MBNL1: variants seen among roughly 807,000 people sequenced by gnomAD.
MBNL1 encodes muscleblind-like protein 1.
A neutral mutation model predicts 42.2 loss-of-function variants in MBNL1; 8 were observed. The ratio of observed to expected loss-of-function variants is 0.19; its 90% CI spans 0.11 to 0.34. The LOEUF (loss-of-function observed/expected upper bound fraction) is 0.34, where lower values mean the gene tolerates loss of function less well. Ranked by LOEUF, MBNL1 falls within the 10% of genes least tolerant of loss-of-function variation. The probability of loss-of-function intolerance (pLI) is 1.00; values close to 1 mark genes in which losing one functional copy is unlikely to be tolerated. For missense variants in MBNL1, 309 were observed against 495.3 expected (o/e 0.62, Z 3.57); for synonymous variants, 169 against 173.9 (o/e 0.97, Z 0.22).
At chr3:152,450,691 CAATT>C (rs1372538394) in intron 6 of MBNL1, among the ~76,000 whole-genome samples, 2 of 152,182 alleles carry the variant, frequency 1.3e-5, no homozygotes, top group Non-Finnish European at 2.9e-5. Flanking sequence ...GTGTAAACCA[CAATT>C]GATTGTGTAT....
intron 1 of MBNL1, among the ~76,000 whole-genome samples, chr3:152,280,386 G>A (rs2047722770): frequency 1.3e-5 from 2 of 152,106 alleles, no homozygotes; most frequent in South Asian, 4.1e-4. Flanking sequence ...AAAATGATGT[G>A]ATTTGATATG....
chr3:152,311,001 CTTTTT>C (rs71144111), intron 2 of MBNL1, among the ~76,000 whole-genome samples: 4 of 77,508 alleles, frequency 5.2e-5, no homozygotes, highest in African/African-American at 1.6e-4. Flanking sequence ...AACCATGAGA[CTTTTT>C]TTTTTTTTTT....
At chr3:152,443,728 A>G (rs772510805) in intron 4 of MBNL1, among the ~76,000 whole-genome samples, 20 of 152,138 alleles carry the variant, frequency 1.3e-4, no homozygotes, top group Admixed American at 2.0e-4. Context: ...TCTTATGTTC[A>G]ATAAGATAAA....
chr3:152,300,128 C>G lies in MBNL1; in HGVS notation c.-66C>G. 12 of 975,452 alleles carry G rather than the reference C, an allele frequency of 1.2e-5. No individual in the cohort carries two copies. Among genetic ancestry groups the G allele is most frequent in the Non-Finnish European group, 1.5e-5 (10 of 679,358 alleles). The allele number at this position is 975,452 out of a possible 1,614,324, so 60.4% of individuals were successfully genotyped here. On this transcript the variant is annotated 5_prime_UTR_variant, in exon 2 of 10. Coordinates refer to ENST00000324210, the MANE Select transcript of MBNL1 (RefSeq NM_021038.5). ...TTCAGCTTTTTTTTTTTGGTTGTTG[C>G]TCTTTTTTGGGGGGGTTGGGTTTGT... is the stretch of plus-strand genomic sequence containing the variant.
At chr3:152,314,362 G>A (rs1427738752) in intron 2 of MBNL1, among the ~76,000 whole-genome samples, 1 of 146,932 alleles carries the variant, frequency 6.8e-6, no homozygotes, top group African/African-American at 2.5e-5. Flanking sequence ...GAAATGGTCC[G>A]TTTTGCTCCA....
At chr3:152,320,389 C>T (rs2075712903) in intron 2 of MBNL1, among the ~76,000 whole-genome samples, 1 of 152,088 alleles carries the variant, frequency 6.6e-6, no homozygotes, top group Admixed American at 6.6e-5. Flanking sequence ...TAGAACAGGC[C>T]TTTCCCTGGA....
At chr3:152,445,604 G>A in intron 5 of MBNL1, 65 bp downstream of exon 5, 1 of 1,494,056 alleles carries the variant, frequency 6.7e-7, no homozygotes, top group Non-Finnish European at 9.0e-7. Context: ...AACTATATCT[G>A]ACTACAAGCT....
In MBNL1 at chr3:152,368,414, C is replaced by T. The variant is rs2096521693; in HGVS notation, c.175-46527C>T. Among the ~76,000 whole-genome samples the T allele has an allele frequency of 2.0e-5, 3 of 152,214 alleles. No individual in the cohort carries two copies. In the South Asian group the frequency reaches 6.2e-4, roughly 32 times the overall value. ...TACCATGCTGTTTTGGTTATTGTAG[C>T]CTTGTAGTACAGTTTGAAGTCGGGT... is the stretch of plus-strand genomic sequence containing the variant. On this transcript the variant is annotated intron_variant, in intron 2 of 9. Transcript: ENST00000324210.
intron 4 of MBNL1, among the ~76,000 whole-genome samples, chr3:152,438,737 T>G (rs1252058962): frequency 6.6e-6 from 1 of 152,244 alleles, no homozygotes; most frequent in Non-Finnish European, 1.5e-5. Flanking sequence ...CTAGCATCTC[T>G]TATTTAGGCT....
chr3:152,456,055 T>A (rs1036986584), intron 7 of MBNL1, among the ~76,000 whole-genome samples: 1 of 151,466 alleles, frequency 6.6e-6, no homozygotes, highest in African/African-American at 2.4e-5. Flanking sequence ...TTTTTCCCCC[T>A]TTTTTTTCTC....
At position 152,253,623 on chromosome 3, in the gene MBNL1, C is replaced by T. The variant is rs150636058; in HGVS notation, n.333+9183C>T. On this transcript the variant is annotated intron_variant and non_coding_transcript_variant, in intron 2 of 2. Transcript: ENST00000477171. ...TATGTCTTTGTGTCTTCTCTCATAT[C>T]CTTTCATCTCTTCATTCATGATATT... is the stretch of plus-strand genomic sequence containing the variant. 2.5e-4 allele frequency among the ~76,000 whole-genome samples: 38 copies of T among 152,138 alleles called. No individual in the cohort carries two copies. In the East Asian group the frequency reaches 5.8e-3, roughly 23 times the overall value.
At chr3:152,451,727 G>C (rs909969372) in intron 6 of MBNL1, among the ~76,000 whole-genome samples, 1 of 152,134 alleles carries the variant, frequency 6.6e-6, no homozygotes, top group Non-Finnish European at 1.5e-5. Flanking sequence ...CCTTAGGCCA[G>C]GTTGTTTCAG....
chr3:152,301,567 G>A (rs1056666706), intron 2 of MBNL1, among the ~76,000 whole-genome samples: 4 of 152,096 alleles, frequency 2.6e-5, no homozygotes, highest in South Asian at 2.1e-4. Flanking sequence ...CAAAGATTTC[G>A]AGAATATGAT....
At chr3:152,454,226 G>A (rs964316667) in intron 6 of MBNL1, among the ~76,000 whole-genome samples, 12 of 152,050 alleles carry the variant, frequency 7.9e-5, no homozygotes, top group East Asian at 1.9e-4. Context: ...GAGTTTAATC[G>A]TTGATCACTC....
intron 2 of MBNL1, chr3:152,340,250 A>G: frequency 3.1e-6 from 1 of 323,354 alleles, no homozygotes; most frequent in Non-Finnish European, 5.6e-6. Flanking sequence ...TGAGCCCAGG[A>G]GGTCGAGGCT....
At chr3:152,322,515 A>G (rs1179738055) in intron 2 of MBNL1, among the ~76,000 whole-genome samples, 1 of 152,056 alleles carries the variant, frequency 6.6e-6, no homozygotes, top group East Asian at 1.9e-4. Flanking sequence ...AACTTGAATT[A>G]TTCTAATTAC....
At chr3:152,287,544 CAT>C (rs934248210) in intron 1 of MBNL1, among the ~76,000 whole-genome samples, 1 of 152,078 alleles carries the variant, frequency 6.6e-6, no homozygotes, top group African/African-American at 2.4e-5. Context: ...CCTGGGAAAA[CAT>C]AGATTCCTGG....
intron 2 of MBNL1, among the ~76,000 whole-genome samples, chr3:152,303,881 A>C (rs759433892): frequency 1.1e-4 from 16 of 152,148 alleles, no homozygotes; most frequent in Non-Finnish European, 2.2e-4. Context: ...AATCTAGCAA[A>C]ATTCTTTTAC....
At chr3:152,274,500 G>A (rs1416968585) in intron 1 of MBNL1, among the ~76,000 whole-genome samples, 2 of 152,162 alleles carry the variant, frequency 1.3e-5, no homozygotes, top group Non-Finnish European at 2.9e-5. Flanking sequence ...ATAAGGGAAA[G>A]TCTTAAGATA....
Sources: gnomAD v4.1 joint callset for allele counts (sites outside exome capture counted in the v4.1 genomes callset) on GRCh38, gnomAD v4.1.1 for gene constraint, MANE v1.5 for transcripts, NCBI Gene and HGNC (gene_info 2026-07-23, HGNC 2026-07-21) for gene names.